Variants in RAB31 observed in about 807,000 individuals in gnomAD.
RAB31 encodes ras-related protein Rab-31.
In RAB31, 21 loss-of-function variants were observed where a neutral mutation model predicts 25.6. That is an observed-to-expected ratio of 0.82 (90% CI 0.58 to 1.18). RAB31 has a LOEUF of 1.18. RAB31 is among the 50% of genes most tolerant of loss of function. RAB31 has a pLI of 0.00. For missense variants in RAB31, 196 were observed against 250.1 expected (o/e 0.78, Z 1.46); for synonymous variants, 87 against 84.0 (o/e 1.04, Z -0.20).
chr18:9,742,417 G>C (rs1309366386), intron 1 of RAB31, among the ~76,000 whole-genome samples: 5 of 152,172 alleles, frequency 3.3e-5, no homozygotes, highest in African/African-American at 1.2e-4. Flanking sequence ...GGAATAGCAA[G>C]TCCCCTTCAA....
chr18:9,830,918 T>C (rs961189296), intron 5 of RAB31, among the ~76,000 whole-genome samples: 1 of 152,216 alleles, frequency 6.6e-6, no homozygotes, highest in African/African-American at 2.4e-5. Flanking sequence ...GACACCCAGT[T>C]GTCTCAGCAT....
chr18:9,809,287 G>A (rs1229520970), intron 3 of RAB31, among the ~76,000 whole-genome samples: 1 of 152,162 alleles, frequency 6.6e-6, no homozygotes, highest in Admixed American at 6.5e-5. Flanking sequence ...CCAAGCCTCA[G>A]GACTCTCTTT....
chr18:9,793,064 C>CATA (rs1346170557), intron 3 of RAB31, among the ~76,000 whole-genome samples: 1 of 152,186 alleles, frequency 6.6e-6, no homozygotes, highest in East Asian at 1.9e-4. Context: ...TGGATACTTG[C>CATA]ATAATAACTA....
At chr18:9,823,979 C>T (rs994600689) in intron 5 of RAB31, among the ~76,000 whole-genome samples, 4 of 152,154 alleles carry the variant, frequency 2.6e-5, no homozygotes, top group Non-Finnish European at 5.9e-5. Context: ...GGAATCGGTT[C>T]TTGGTCAGCA....
At chr18:9,717,323 T>A (rs568044624) in intron 1 of RAB31, among the ~76,000 whole-genome samples, 1 of 152,176 alleles carries the variant, frequency 6.6e-6, no homozygotes, top group Non-Finnish European at 1.5e-5. Flanking sequence ...CTAGAAGTCA[T>A]GAATGTGGCT....
chr18:9,749,913 A>G (rs958679695), intron 1 of RAB31, among the ~76,000 whole-genome samples: 1 of 152,194 alleles, frequency 6.6e-6, no homozygotes, highest in South Asian at 2.1e-4. Context: ...AGGTCCCAGC[A>G]TGAAAGCAGG....
intron 5 of RAB31, among the ~76,000 whole-genome samples, chr18:9,841,466 G>A (rs1361691502): frequency 6.6e-6 from 1 of 150,906 alleles, no homozygotes; most frequent in African/African-American, 2.4e-5. Context: ...GTGAACCCGG[G>A]AGGCAGAGCT....
chr18:9,811,616 G>A (rs2068571345), intron 3 of RAB31, among the ~76,000 whole-genome samples: 1 of 152,072 alleles, frequency 6.6e-6, no homozygotes, highest in Non-Finnish European at 1.5e-5. Context: ...AAAAATTTAT[G>A]CTATACAGAT....
intron 5 of RAB31, among the ~76,000 whole-genome samples, chr18:9,833,639 A>G (rs1169429506): frequency 6.6e-6 from 1 of 152,228 alleles, no homozygotes; most frequent in Non-Finnish European, 1.5e-5. Flanking sequence ...ATTCTGGCAC[A>G]TACACGATTT....
At chr18:9,780,221 G>A (rs984989592) in intron 2 of RAB31, among the ~76,000 whole-genome samples, 1 of 145,570 alleles carries the variant, frequency 6.9e-6, no homozygotes, top group Non-Finnish European at 1.5e-5. Flanking sequence ...AAAACCCAAA[G>A]AACACAGAAT....
chr18:9,753,233 T>A (rs1162314791), intron 1 of RAB31, among the ~76,000 whole-genome samples: 1 of 152,160 alleles, frequency 6.6e-6, no homozygotes, highest in Admixed American at 6.5e-5. Flanking sequence ...TAATTCCCAG[T>A]ATATTGAGAG....
chr18:9,710,900 A>G (rs11875487), intron 1 of RAB31, among the ~76,000 whole-genome samples: 22,551 of 147,722 alleles, frequency 0.15, 1,766 homozygotes, highest in Middle Eastern at 0.32. Context: ...GTCATATCAC[A>G]CCACATTTGT....
intron 2 of RAB31, among the ~76,000 whole-genome samples, chr18:9,783,766 T>TG (rs1319877010): frequency 6.6e-6 from 1 of 152,212 alleles, no homozygotes; most frequent in Non-Finnish European, 1.5e-5. Flanking sequence ...GCCAAGGTCA[T>TG]GAACTTGAGA....
intron 2 of RAB31, among the ~76,000 whole-genome samples, chr18:9,784,555 A>ATT (rs370039104): frequency 0.041 from 5,810 of 142,082 alleles, 337 homozygotes; most frequent in African/African-American, 0.12. Context: ...ATTTTAGGTG[A>ATT]TTTTTTTTTT....
At chr18:9,794,286 A>G (rs1437573094) in intron 3 of RAB31, among the ~76,000 whole-genome samples, 1 of 152,224 alleles carries the variant, frequency 6.6e-6, no homozygotes, top group Non-Finnish European at 1.5e-5. Context: ...TCTCCTAACT[A>G]ATCAAGTGGT....
At chr18:9,812,616 T>TATA (rs1233109719) in intron 3 of RAB31, among the ~76,000 whole-genome samples, 1 of 152,162 alleles carries the variant, frequency 6.6e-6, no homozygotes, top group African/African-American at 2.4e-5. Context: ...GATTTACCTT[T>TATA]ATATATATCT....
At chr18:9,773,551 T>C (rs2145489909) in intron 1 of RAB31, among the ~76,000 whole-genome samples, 1 of 152,310 alleles carries the variant, frequency 6.6e-6, no homozygotes, top group East Asian at 1.9e-4. Flanking sequence ...ACAGCAGCCA[T>C]TAACAATTGA....
intron 3 of RAB31, among the ~76,000 whole-genome samples, chr18:9,812,846 T>C (rs1444805221): frequency 1.3e-5 from 2 of 151,922 alleles, no homozygotes; most frequent in South Asian, 2.1e-4. Context: ...TACAGGCATC[T>C]GCCACCATGC....
At chr18:9,843,490 G>C (rs2068744485) in intron 5 of RAB31, among the ~76,000 whole-genome samples, 1 of 143,612 alleles carries the variant, frequency 7.0e-6, no homozygotes, top group African/African-American at 2.6e-5. Flanking sequence ...AGGTTGCAGT[G>C]AGCCGAGATC....
Sources: allele counts gnomAD v4.1 joint callset (sites outside exome capture counted in the v4.1 genomes callset), GRCh38; gene constraint gnomAD v4.1.1; transcripts MANE v1.5; gene names NCBI Gene and HGNC (gene_info 2026-07-23, HGNC 2026-07-21).